NAA11: variants seen among roughly 807,000 people sequenced by gnomAD.
The protein encoded by NAA11 is N-alpha-acetyltransferase 11.
In NAA11, 15 loss-of-function variants were observed where a neutral mutation model predicts 16.1. That is an observed-to-expected ratio of 0.93 (90% CI 0.62 to 1.44). NAA11 has a LOEUF of 1.44. Among genes scored for constraint, NAA11 ranks in the 40% most tolerant of loss-of-function variants. The pLI is 0.00. For missense variants in NAA11, 298 were observed against 291.3 expected, an observed-to-expected ratio of 1.02 and a Z score of -0.17; for synonymous variants, 122 against 112.4, an observed-to-expected ratio of 1.09 and a Z score of -0.54.
chr4:79,318,650 A>AT (rs926061072), intron 1 of NAA11, among the ~76,000 whole-genome samples: 2 of 152,304 alleles, frequency 1.3e-5, no homozygotes, highest in African/African-American at 4.8e-5. Context: ...GTAAAATCTT[A>AT]TTTTTTAAAG....
chr4:79,323,270 C>G (rs1028558388), intron 1 of NAA11, among the ~76,000 whole-genome samples: 6 of 152,136 alleles, frequency 3.9e-5, no homozygotes, highest in Admixed American at 1.3e-4. Context: ...ATTCCTAAGG[C>G]GATACAAAGT....
At chr4:79,217,185 A>C in the NAA11 span, among the ~76,000 whole-genome samples, 107,969 of 152,028 alleles carry the variant, frequency 0.71, 40,679 homozygotes, top group East Asian at 0.89. Context: ...CAGCATTTTC[A>C]TATAGCCCCA....
chr4:79,226,790 G>A (rs1328157814), intron 2 of NAA11, among the ~76,000 whole-genome samples: 1 of 151,894 alleles, frequency 6.6e-6, no homozygotes, highest in Non-Finnish European at 1.5e-5. Flanking sequence ...AGTATTCCAT[G>A]GTGTATATGT....
chr4:79,273,464 A>G (rs1722547452), intron 2 of NAA11, among the ~76,000 whole-genome samples: 1 of 152,086 alleles, frequency 6.6e-6, no homozygotes, highest in African/African-American at 2.4e-5. Context: ...AAAAAATAAT[A>G]CAGACCAAAT....
At chr4:79,248,475 C>T (rs1377862725) in intron 2 of NAA11, among the ~76,000 whole-genome samples, 2 of 152,158 alleles carry the variant, frequency 1.3e-5, no homozygotes, top group Non-Finnish European at 2.9e-5. Context: ...TGCTGTGCCA[C>T]CATTGACAAC....
chr4:79,284,318 G>T (rs1029578131), intron 2 of NAA11, among the ~76,000 whole-genome samples: 8 of 152,024 alleles, frequency 5.3e-5, no homozygotes, highest in African/African-American at 2.4e-5. Context: ...GTAATGGAAG[G>T]CAATATGAAT....
At chr4:79,215,666 T>C in the NAA11 span, among the ~76,000 whole-genome samples, 4 of 152,338 alleles carry the variant, frequency 2.6e-5, no homozygotes, top group South Asian at 8.3e-4. Flanking sequence ...GAGTATTCTG[T>C]CTTACTGGAT....
chr4:79,194,697 T>C, the NAA11 span, among the ~76,000 whole-genome samples: 1 of 152,268 alleles, frequency 6.6e-6, no homozygotes, highest in African/African-American at 2.4e-5. Flanking sequence ...GGAGTTTGTC[T>C]TTCTCACATA....
chr4:79,194,604 A>G, the NAA11 span, among the ~76,000 whole-genome samples: 3 of 152,078 alleles, frequency 2.0e-5, no homozygotes, highest in African/African-American at 4.8e-5. Context: ...CTGATTTGGA[A>G]AAGCCTTATC....
At chr4:79,220,276 A>G in the NAA11 span, among the ~76,000 whole-genome samples, 1 of 152,144 alleles carries the variant, frequency 6.6e-6, no homozygotes, top group Non-Finnish European at 1.5e-5. Context: ...TATTTTTAGT[A>G]GAGACGGCGT....
At chr4:79,312,085 C>G (rs1207502194), downstream of NAA11, among the ~76,000 whole-genome samples, 1 of 152,166 alleles carries the variant, frequency 6.6e-6, no homozygotes, top group Non-Finnish European at 1.5e-5. Flanking sequence ...GCGACACTGT[C>G]CCAGGATGCA....
intron 2 of NAA11, among the ~76,000 whole-genome samples, chr4:79,241,225 T>A: frequency 6.6e-6 from 1 of 152,212 alleles, no homozygotes; most frequent in East Asian, 1.9e-4. Flanking sequence ...CGCTTAAATA[T>A]ATTTTCTCTT....
intron 2 of NAA11, among the ~76,000 whole-genome samples, chr4:79,286,283 T>C (rs1054273765): frequency 1.3e-5 from 2 of 152,040 alleles, no homozygotes; most frequent in African/African-American, 2.4e-5. Context: ...AGTATACAAA[T>C]TGTGACACAG....
In NAA11 at chr4:79,268,568, T is replaced by G. The variant is rs998442649; in HGVS notation, c.*122+25437A>C. Reference sequence around the variant, plus strand: ...AATTTTGCAATTTCAAAAGAAATACTGACTCCAAAAGAAGTGACTATGTAT... The same window carrying G: ...AATTTTGCAATTTCAAAAGAAATACGGACTCCAAAAGAAGTGACTATGTAT... On this transcript the variant is annotated intron_variant and NMD_transcript_variant, in intron 2 of 2. Transcript: ENST00000511542. Among the ~76,000 whole-genome samples, 9 of 152,266 alleles carry G rather than the reference T, an allele frequency of 5.9e-5. No homozygotes were observed. The East Asian group carries it at 1.7e-3, about 29-fold the overall frequency.
At chr4:79,156,456 C>T in the NAA11 span, among the ~76,000 whole-genome samples, 3 of 152,064 alleles carry the variant, frequency 2.0e-5, no homozygotes, top group Non-Finnish European at 4.4e-5. Context: ...GCAGGATGGA[C>T]CAGCAGGCTG....
intron 2 of NAA11, among the ~76,000 whole-genome samples, chr4:79,281,110 G>T (rs1009821337): frequency 1.3e-5 from 2 of 151,928 alleles, no homozygotes; most frequent in South Asian, 4.1e-4. Context: ...CTACAGCTGG[G>T]TACCATCATT....
intron 1 of NAA11, among the ~76,000 whole-genome samples, chr4:79,323,616 C>G (rs1724168052): frequency 6.6e-6 from 1 of 152,096 alleles, no homozygotes; most frequent in South Asian, 2.1e-4. Context: ...GTCAGGAGAT[C>G]AAGACCATCC....
the NAA11 span, among the ~76,000 whole-genome samples, chr4:79,158,835 A>G: frequency 6.6e-6 from 1 of 151,858 alleles, no homozygotes; most frequent in Admixed American, 6.6e-5. Flanking sequence ...CTGATCCTTG[A>G]CGAAGCAAAC....
chr4:79,246,020 T>C (rs1378884096), intron 2 of NAA11, among the ~76,000 whole-genome samples: 3 of 152,198 alleles, frequency 2.0e-5, no homozygotes, highest in Admixed American at 1.3e-4. Context: ...CTCCATTTTG[T>C]TCTGTACTAA....
Sources: gnomAD v4.1 joint callset for allele counts (sites outside exome capture counted in the v4.1 genomes callset) on GRCh38, gnomAD v4.1.1 for gene constraint, MANE v1.5 for transcripts, NCBI Gene and HGNC (gene_info 2026-07-23, HGNC 2026-07-21) for gene names.